MPPED2: variants seen among roughly 807,000 people sequenced by gnomAD.
The protein encoded by MPPED2 is metallophosphoesterase MPPED2.
In MPPED2, 5 loss-of-function variants were observed where a neutral mutation model predicts 33.0. The observed-to-expected ratio is 0.15, with a 90% CI of 0.08 to 0.32. The LOEUF (loss-of-function observed/expected upper bound fraction) is 0.32. Among genes scored for constraint, MPPED2 ranks in the 10% least tolerant of loss-of-function variants. MPPED2 has a pLI of 1.00. For synonymous variants in MPPED2, 136 were observed against 141.9 expected (o/e 0.96, Z 0.29); for missense variants, 275 against 372.1 (o/e 0.74, Z 2.15).
At chr11:30,504,544 C>T (rs185823224) in intron 3 of MPPED2, among the ~76,000 whole-genome samples, 453 of 152,266 alleles carry the variant, frequency 3.0e-3, no homozygotes, top group Non-Finnish European at 4.3e-3. Flanking sequence ...TAGAAGAATG[C>T]TTAGCACTTA....
chr11:30,453,085 C>T (rs533726568), intron 4 of MPPED2, among the ~76,000 whole-genome samples: 37 of 152,232 alleles, frequency 2.4e-4, no homozygotes, highest in Admixed American at 3.9e-4. Context: ...AACTTTTCTT[C>T]CCCCACTGAG....
chr11:30,533,090 T>C lies in MPPED2; in HGVS notation c.310+2904A>G, dbSNP rs564424166. 5.9e-5 allele frequency among the ~76,000 whole-genome samples: 9 copies of C among 152,320 alleles called. No homozygotes were observed. The South Asian group carries it at 1.9e-3, about 32-fold the overall frequency. ...AGCTTCAAATGTGCATGCTTCCAGA[T>C]GCCACAAGCCCTGTCATAATATCAC... On this transcript the variant is annotated intron_variant, in intron 3 of 6. Transcript: ENST00000358117.
In MPPED2 at chr11:30,495,320, C is replaced by G; in HGVS notation, c.512G>C (p.Gly171Ala). ...YLQDSEVTVK[G>A]FRIYGAPWTP... ...CCAAGGTGCACCGTATATCCTGAAT[C>G]CCTTCACTGTTACCTCCGAATCTTG... Residue 171 changes from glycine to alanine, a missense_variant, in exon 4 of 7, where the codon GGA becomes GCA. By Grantham distance (60) the Gly-to-Ala change is moderately conservative. Transcript: ENST00000358117. The G allele has an allele frequency of 6.2e-7, 1 of 1,613,636 alleles. No individual in the cohort carries two copies.
intron 1 of MPPED2, among the ~76,000 whole-genome samples, chr11:30,585,242 C>T (rs559173469): frequency 1.6e-3 from 246 of 152,252 alleles, no homozygotes; most frequent in African/African-American, 5.8e-3. Flanking sequence ...CGGTACTCGT[C>T]CCCCGTCGCC....
intron 4 of MPPED2, among the ~76,000 whole-genome samples, chr11:30,435,835 G>T (rs1230647419): frequency 6.6e-6 from 1 of 152,104 alleles, no homozygotes; most frequent in Non-Finnish European, 1.5e-5. Context: ...TTTGGTCTCA[G>T]GTCAGCCTGT....
chr11:30,477,348 G>A (rs1349125025), intron 4 of MPPED2, among the ~76,000 whole-genome samples: 2 of 152,092 alleles, frequency 1.3e-5, no homozygotes, highest in South Asian at 2.1e-4. Flanking sequence ...CAGTTGTGAT[G>A]TTAAGTGTAG....
chr11:30,484,372 T>A (rs898765608), intron 4 of MPPED2, among the ~76,000 whole-genome samples: 3 of 152,164 alleles, frequency 2.0e-5, no homozygotes, highest in African/African-American at 7.2e-5. Context: ...TTATAGTAAC[T>A]GTATTTACAC....
chr11:30,467,792 C>T (rs1374370421), intron 4 of MPPED2, among the ~76,000 whole-genome samples: 4 of 152,176 alleles, frequency 2.6e-5, no homozygotes, highest in East Asian at 1.9e-4. Context: ...TTTAAAAACT[C>T]GAGTTGCTGG....
chr11:30,470,810 T>A (rs1950916346), intron 4 of MPPED2, among the ~76,000 whole-genome samples: 1 of 152,156 alleles, frequency 6.6e-6, no homozygotes, highest in African/African-American at 2.4e-5. Flanking sequence ...TGTTCTAGTT[T>A]CAATGGCCGC....
chr11:30,471,268 T>C (rs986787602), intron 4 of MPPED2, among the ~76,000 whole-genome samples: 6 of 152,192 alleles, frequency 3.9e-5, no homozygotes, highest in Non-Finnish European at 8.8e-5. Flanking sequence ...TTCCTTCCCA[T>C]TCCCTTCATC....
At chr11:30,522,890 GGTCA>G (rs558921506) in intron 3 of MPPED2, among the ~76,000 whole-genome samples, 108 of 152,172 alleles carry the variant, frequency 7.1e-4, no homozygotes, top group African/African-American at 2.4e-3. Context: ...TTGACAGCAA[GGTCA>G]GTTAAGTTAC....
At chr11:30,434,673 A>T (rs1949244362) in intron 4 of MPPED2, among the ~76,000 whole-genome samples, 1 of 152,222 alleles carries the variant, frequency 6.6e-6, no homozygotes, top group Non-Finnish European at 1.5e-5. Flanking sequence ...TAATAGTGAT[A>T]TTTAAATAAA....
chr11:30,452,612 G>A (rs1257628064), intron 4 of MPPED2, among the ~76,000 whole-genome samples: 1 of 152,182 alleles, frequency 6.6e-6, no homozygotes, highest in South Asian at 2.1e-4. Flanking sequence ...TACTGCACAC[G>A]CTAAAGCTTG....
chr11:30,558,579 C>CTTTT (rs761109130), intron 2 of MPPED2, among the ~76,000 whole-genome samples: 4 of 141,098 alleles, frequency 2.8e-5, no homozygotes, highest in African/African-American at 1.0e-4. Flanking sequence ...CCACACTCAG[C>CTTTT]TTTTTTTTTT....
chr11:30,491,619 TCTCC>T (rs1951985233), intron 4 of MPPED2, among the ~76,000 whole-genome samples: 1 of 152,214 alleles, frequency 6.6e-6, no homozygotes, highest in South Asian at 2.1e-4. Context: ...CGTAATGTTT[TCTCC>T]CATTTTAGAG....
chr11:30,447,465 G>A (rs1949861213), intron 4 of MPPED2, among the ~76,000 whole-genome samples: 1 of 152,144 alleles, frequency 6.6e-6, no homozygotes, highest in African/African-American at 2.4e-5. Context: ...GGCCTGACAG[G>A]GACCAGAAAA....
chr11:30,564,903 G>C (rs1956378674), intron 2 of MPPED2, among the ~76,000 whole-genome samples: 1 of 152,130 alleles, frequency 6.6e-6, no homozygotes, highest in Non-Finnish European at 1.5e-5. Context: ...ATAAATCTGA[G>C]TAGCGTGGCT....
intron 2 of MPPED2, among the ~76,000 whole-genome samples, chr11:30,576,737 A>C (rs1365188096): frequency 1.3e-5 from 2 of 152,036 alleles, no homozygotes; most frequent in Non-Finnish European, 2.9e-5. Context: ...AAACCCTGTT[A>C]ATTGCTGGGC....
At chr11:30,417,810 G>A (rs557036930) in intron 4 of MPPED2, among the ~76,000 whole-genome samples, 177 bp from the exon 5 acceptor site, 16 of 152,290 alleles carry the variant, frequency 1.1e-4, no homozygotes, top group Admixed American at 1.0e-3. Flanking sequence ...CCATTTGAAA[G>A]TAAGCGTGGA....
Sources: gnomAD v4.1 joint callset for allele counts (sites outside exome capture counted in the v4.1 genomes callset) on GRCh38, gnomAD v4.1.1 for gene constraint, MANE v1.5 for transcripts, NCBI Gene and HGNC (gene_info 2026-07-23, HGNC 2026-07-21) for gene names.